CNBD1: variants seen among roughly 807,000 people sequenced by gnomAD.
CNBD1 encodes cyclic nucleotide-binding domain-containing protein 1.
In CNBD1, 71 loss-of-function variants were observed where a neutral mutation model predicts 54.4. That is an observed-to-expected ratio of 1.30 (90% CI 1.08 to 1.59). The LOEUF (loss-of-function observed/expected upper bound fraction) is 1.59, where lower values mean the gene tolerates loss of function less well. Among genes scored for constraint, CNBD1 ranks in the 40% most tolerant of loss-of-function variants. The probability of loss-of-function intolerance (pLI) is 0.00; values close to 1 mark genes in which losing one functional copy is unlikely to be tolerated. For synonymous variants in CNBD1, 182 were observed against 170.7 expected, an observed-to-expected ratio of 1.07 and a Z score of -0.51; for missense variants, 659 against 518.0, an observed-to-expected ratio of 1.27 and a Z score of -2.64.
chr8:87,285,181 C>T (rs1238272125), intron 7 of CNBD1, among the ~76,000 whole-genome samples: 1 of 152,124 alleles, frequency 6.6e-6, no homozygotes, highest in Non-Finnish European at 1.5e-5. Context: ...GATAATAGTA[C>T]TGCTGCTTTC....
At chr8:87,358,664 A>G (rs1810468638) in intron 10 of CNBD1, among the ~76,000 whole-genome samples, 1 of 152,194 alleles carries the variant, frequency 6.6e-6, no homozygotes, top group African/African-American at 2.4e-5. Flanking sequence ...GTCCCATGAT[A>G]TGCTTTCAGC....
chr8:87,245,591 A>T (rs1394786464), intron 6 of CNBD1, among the ~76,000 whole-genome samples: 1 of 151,858 alleles, frequency 6.6e-6, no homozygotes, highest in East Asian at 1.9e-4. Context: ...GAGATTAAAT[A>T]ATTTCAACTT....
chr8:87,187,172 A>G (rs1217310250), intron 4 of CNBD1, among the ~76,000 whole-genome samples: 1 of 150,124 alleles, frequency 6.7e-6, no homozygotes, highest in Non-Finnish European at 1.5e-5. Flanking sequence ...AAAGATTTAT[A>G]TAGCTATATC....
chr8:86,996,567 A>G (rs1336386131), intron 4 of CNBD1, among the ~76,000 whole-genome samples: 1 of 152,222 alleles, frequency 6.6e-6, no homozygotes, highest in Admixed American at 6.5e-5. Flanking sequence ...ATTAAGTTTT[A>G]CACTTTCTGT....
At chr8:87,271,837 C>A (rs1808372754) in intron 6 of CNBD1, among the ~76,000 whole-genome samples, 1 of 150,736 alleles carries the variant, frequency 6.6e-6, no homozygotes, top group Non-Finnish European at 1.5e-5. Flanking sequence ...TCACAGTAGC[C>A]CAGATACAGA....
chr8:87,173,501 C>A (rs141973254), intron 4 of CNBD1, among the ~76,000 whole-genome samples: 351 of 152,172 alleles, frequency 2.3e-3, no homozygotes, highest in African/African-American at 8.2e-3. Context: ...CTTTTGTTTG[C>A]GTGAGAAAGT....
At chr8:87,356,402 G>A (rs913116842) in intron 10 of CNBD1, among the ~76,000 whole-genome samples, 7 of 152,222 alleles carry the variant, frequency 4.6e-5, no homozygotes, top group African/African-American at 1.7e-4. Flanking sequence ...GGCCTTAGAT[G>A]GAAATGAGGA....
chr8:87,103,161 T>C (rs1186838657), intron 4 of CNBD1, among the ~76,000 whole-genome samples: 1 of 152,160 alleles, frequency 6.6e-6, no homozygotes, highest in Non-Finnish European at 1.5e-5. Flanking sequence ...AATATCAGCA[T>C]ACAGATGGTA....
chr8:87,285,174 A>G (rs1448115381), intron 7 of CNBD1, among the ~76,000 whole-genome samples: 3 of 151,634 alleles, frequency 2.0e-5, no homozygotes, highest in East Asian at 1.9e-4. Context: ...TAAGACAGAT[A>G]ATAGTACTGC....
chr8:87,357,272 G>A (rs111461392), intron 10 of CNBD1, among the ~76,000 whole-genome samples: 6 of 151,944 alleles, frequency 3.9e-5, no homozygotes, highest in African/African-American at 1.5e-4. Flanking sequence ...GAAGTGGGCT[G>A]CCACCCTCCA....
intron 2 of CNBD1, among the ~76,000 whole-genome samples, chr8:87,394,306 G>A (rs1412552791): frequency 6.6e-6 from 1 of 151,920 alleles, no homozygotes; most frequent in Non-Finnish European, 1.5e-5. Flanking sequence ...ATGCACAGGT[G>A]AGGGGACTGG....
chr8:87,360,317 C>T (rs142502605), intron 10 of CNBD1, among the ~76,000 whole-genome samples: 1,767 of 151,862 alleles, frequency 0.012, 12 homozygotes, highest in Middle Eastern at 0.024. Flanking sequence ...TGAGGAGTGG[C>T]TTATTTGTTC....
intron 9 of CNBD1, 43 bp downstream of exon 9, chr8:87,351,837 C>G (rs1810303542): frequency 1.4e-6 from 2 of 1,383,480 alleles, no homozygotes; most frequent in Non-Finnish European, 1.9e-6. Flanking sequence ...TTAATCTACT[C>G]TAAAGAATAG....
At chr8:86,985,112 GAT>G (rs1286528922) in intron 4 of CNBD1, among the ~76,000 whole-genome samples, 1 of 152,138 alleles carries the variant, frequency 6.6e-6, no homozygotes, top group Non-Finnish European at 1.5e-5. Flanking sequence ...CATAAGATCT[GAT>G]AGTTTTAAAA....
intron 2 of CNBD1, among the ~76,000 whole-genome samples, chr8:87,401,377 G>A (rs556009429): frequency 6.6e-6 from 1 of 151,860 alleles, no homozygotes; most frequent in Admixed American, 6.6e-5. Context: ...CCCATATATG[G>A]CCACAAAGGA....
At chr8:87,331,010 A>G (rs1809815725) in intron 8 of CNBD1, among the ~76,000 whole-genome samples, 1 of 152,130 alleles carries the variant, frequency 6.6e-6, no homozygotes, top group Non-Finnish European at 1.5e-5. Context: ...TTATTGATAT[A>G]GTTGCTCTAA....
At chr8:87,233,288 G>T (rs745572325) in intron 5 of CNBD1, among the ~76,000 whole-genome samples, 1 of 152,098 alleles carries the variant, frequency 6.6e-6, no homozygotes, top group Non-Finnish European at 1.5e-5. Context: ...ACTAGCATTT[G>T]ATCCATTTAT....
At chr8:87,038,968 T>G (rs886799045) in intron 4 of CNBD1, among the ~76,000 whole-genome samples, 1 of 152,210 alleles carries the variant, frequency 6.6e-6, no homozygotes, top group South Asian at 2.1e-4. Flanking sequence ...GTTGCAAATC[T>G]TTTACTCTTG....
At chr8:87,056,247 C>A (rs567450639) in intron 4 of CNBD1, among the ~76,000 whole-genome samples, 1 of 152,192 alleles carries the variant, frequency 6.6e-6, no homozygotes, top group African/African-American at 2.4e-5. Flanking sequence ...AAAAGGCACT[C>A]CTTTCCATGG....
Sources: gnomAD v4.1 joint callset for allele counts (sites outside exome capture counted in the v4.1 genomes callset) on GRCh38, gnomAD v4.1.1 for gene constraint, MANE v1.5 for transcripts, NCBI Gene and HGNC (gene_info 2026-07-23, HGNC 2026-07-21) for gene names.